The following NSMCE2 variants were observed in gnomAD, a reference collection of about 807,000 sequenced individuals.
The protein encoded by NSMCE2 is NSE2 SUMO ligase component of SMC5/6 complex.
Under a neutral mutation model 23.8 loss-of-function variants are expected in NSMCE2, and 24 were observed. The observed-to-expected ratio is 1.01, with a 90% CI of 0.73 to 1.42. The LOEUF is 1.42. NSMCE2 is among the 40% of genes most tolerant of loss of function. The pLI is 0.00. For missense variants in NSMCE2, 284 were observed against 296.5 expected, an observed-to-expected ratio of 0.96 and a Z score of 0.31; for synonymous variants, 92 against 94.1, an observed-to-expected ratio of 0.98 and a Z score of 0.13.
chr8:125,156,003 G>A (rs938973572), intron 4 of NSMCE2: 1 of 451,148 alleles, frequency 2.2e-6, no homozygotes, highest in Non-Finnish European at 4.4e-6. Context: ...CTCTCAGCTA[G>A]GTGTGGTGGC....
chr8:125,213,157 C>T (rs555470656), intron 5 of NSMCE2, among the ~76,000 whole-genome samples: 1 of 152,182 alleles, frequency 6.6e-6, no homozygotes, highest in South Asian at 2.1e-4. Flanking sequence ...AAATGTTGAA[C>T]ATTTGTACCC....
intron 5 of NSMCE2, among the ~76,000 whole-genome samples, chr8:125,315,061 A>G (rs1335656199): frequency 1.3e-5 from 2 of 152,024 alleles, no homozygotes; most frequent in African/African-American, 4.8e-5. Flanking sequence ...ACACAGAATA[A>G]CCCTGCAGAG....
At chr8:125,182,294 A>G (rs771485610) in intron 5 of NSMCE2, 38 bp downstream of exon 5, 4 of 1,534,834 alleles carry the variant, frequency 2.6e-6, no homozygotes, top group Middle Eastern at 1.7e-4. Flanking sequence ...GGCTTTTTGA[A>G]ATTAGGGAAC....
chr8:125,218,609 G>T (rs187928555), intron 5 of NSMCE2, among the ~76,000 whole-genome samples: 1 of 151,920 alleles, frequency 6.6e-6, no homozygotes, highest in Admixed American at 6.5e-5. Context: ...GTGGGGTTTC[G>T]CCATGTTGGC....
chr8:125,127,862 A>T (rs1819586487), intron 3 of NSMCE2, among the ~76,000 whole-genome samples: 1 of 152,216 alleles, frequency 6.6e-6, no homozygotes, highest in South Asian at 2.1e-4. Context: ...CTTATGTTTC[A>T]TATACACATA....
intron 5 of NSMCE2, among the ~76,000 whole-genome samples, chr8:125,270,074 G>GA (rs1197083481): frequency 2.0e-5 from 3 of 152,248 alleles, no homozygotes; most frequent in Non-Finnish European, 4.4e-5. Context: ...GCTATAAGAA[G>GA]AGAGAGAGTG....
intron 5 of NSMCE2, among the ~76,000 whole-genome samples, chr8:125,186,383 C>T (rs758229431): frequency 3.9e-5 from 6 of 152,046 alleles, no homozygotes; most frequent in African/African-American, 7.2e-5. Context: ...TCAGAAGTAA[C>T]GGCAGTTTTT....
At chr8:125,329,444 CAAG>C (rs1044479468) in intron 5 of NSMCE2, among the ~76,000 whole-genome samples, 1 of 152,112 alleles carries the variant, frequency 6.6e-6, no homozygotes, top group Non-Finnish European at 1.5e-5. Flanking sequence ...TTTTAGTTAC[CAAG>C]AAGATTTCCT....
At chr8:125,153,123 TA>T (rs1007920296) in intron 4 of NSMCE2, among the ~76,000 whole-genome samples, 10 of 151,208 alleles carry the variant, frequency 6.6e-5, no homozygotes, top group African/African-American at 1.9e-4. Context: ...GTCACTCATT[TA>T]AAAAAAAGTT....
intron 3 of NSMCE2, among the ~76,000 whole-genome samples, chr8:125,106,135 T>A (rs1428224606): frequency 5.3e-4 from 80 of 152,074 alleles, no homozygotes; most frequent in Non-Finnish European, 1.5e-5. Flanking sequence ...AAGTGACTAT[T>A]CTGCATATAA....
chr8:125,112,562 A>G (rs1282557964), intron 3 of NSMCE2, among the ~76,000 whole-genome samples: 1 of 152,224 alleles, frequency 6.6e-6, no homozygotes, highest in East Asian at 1.9e-4. Context: ...TCAGTCTTAA[A>G]AAAAAAATGA....
At chr8:125,319,723 AG>A (rs1299859160) in intron 5 of NSMCE2, among the ~76,000 whole-genome samples, 5 of 152,180 alleles carry the variant, frequency 3.3e-5, no homozygotes, top group Non-Finnish European at 5.9e-5. Context: ...AATAAAAAAA[AG>A]AATCTTAAAA....
intron 5 of NSMCE2, among the ~76,000 whole-genome samples, chr8:125,255,547 T>C (rs1053250538): frequency 1.3e-5 from 2 of 151,776 alleles, no homozygotes; most frequent in African/African-American, 4.8e-5. Flanking sequence ...GACAACAGTG[T>C]GATCACAAGC....
At chr8:125,355,296 T>C (rs944045794) in intron 5 of NSMCE2, among the ~76,000 whole-genome samples, 1 of 152,060 alleles carries the variant, frequency 6.6e-6, no homozygotes, top group African/African-American at 2.4e-5. Context: ...TTTATGTCTG[T>C]ATTATTTTGC....
chr8:125,223,349 C>T (rs752265161), intron 5 of NSMCE2, among the ~76,000 whole-genome samples: 1 of 152,190 alleles, frequency 6.6e-6, no homozygotes, highest in African/African-American at 2.4e-5. Flanking sequence ...CAGAGCAAGA[C>T]CCTGTCCCAA....
intron 5 of NSMCE2, among the ~76,000 whole-genome samples, chr8:125,283,472 A>T (rs1174930675): frequency 1.3e-5 from 2 of 152,110 alleles, no homozygotes; most frequent in Admixed American, 1.3e-4. Context: ...GTGAGCCAAG[A>T]TCATGCCACT....
At chr8:125,349,764 T>G (rs1444353061) in intron 5 of NSMCE2, among the ~76,000 whole-genome samples, 1 of 152,170 alleles carries the variant, frequency 6.6e-6, no homozygotes, top group Non-Finnish European at 1.5e-5. Flanking sequence ...CCAAATGTAT[T>G]TTATGACCAC....
intron 5 of NSMCE2, among the ~76,000 whole-genome samples, chr8:125,340,083 C>G (rs370196764): frequency 2.2e-5 from 3 of 134,986 alleles, no homozygotes; most frequent in Non-Finnish European, 4.6e-5. Flanking sequence ...GGCGCAATCT[C>G]GGCTCACTGC....
chr8:125,153,352 C>T (rs1441870625), intron 4 of NSMCE2, among the ~76,000 whole-genome samples: 1 of 152,086 alleles, frequency 6.6e-6, no homozygotes, highest in Non-Finnish European at 1.5e-5. Context: ...AGTTATTTTT[C>T]TTTTATGATA....
Sources: allele counts gnomAD v4.1 joint callset (sites outside exome capture counted in the v4.1 genomes callset), GRCh38; gene constraint gnomAD v4.1.1; transcripts MANE v1.5; gene names NCBI Gene and HGNC (gene_info 2026-07-23, HGNC 2026-07-21).